The following PTPN21 variants were observed in gnomAD, a reference collection of about 807,000 sequenced individuals.
The protein encoded by PTPN21 is tyrosine-protein phosphatase non-receptor type 21.
In PTPN21, 77 loss-of-function variants were observed where a neutral mutation model predicts 131.8. That is an observed-to-expected ratio of 0.58 (90% CI 0.49 to 0.71). PTPN21 has a LOEUF of 0.71. Ranked by LOEUF, PTPN21 falls within the 30% of genes least tolerant of loss-of-function variation. The probability of loss-of-function intolerance (pLI) is 0.00; values close to 1 mark genes in which losing one functional copy is unlikely to be tolerated. For synonymous variants in PTPN21, 715 were observed against 621.3 expected (o/e 1.15, Z -2.24); for missense variants, 1,552 against 1,527.1 (o/e 1.02, Z -0.27).
Position 88,497,260 on chromosome 14 carries a change from G to A in PTPN21, c.795C>T (p.Asn265=), listed in dbSNP as rs764079290. The A allele has an allele frequency of 3.1e-6, 5 of 1,613,458 alleles. No homozygotes were observed. Among genetic ancestry groups the A allele is most frequent in the Admixed American group, 1.7e-5 (1 of 59,998 alleles). The change falls in exon 9 of 19, where the codon AAC becomes AAT. Residue 265 remains asparagine, a synonymous_variant. Transcript: ENST00000556564. ...CCAGCTCTAATGCAAAAAAGGACTT[G>A]TTGTGGGACATGTTGGCAATGTCAT... The part of the protein sequence containing the change: ...RWHDIANMSH[N]KSFFALELAN...
At position 88,550,271 on chromosome 14, in the gene PTPN21, G is replaced by A; in HGVS notation, c.147C>T (p.Leu49=). Residue 49 remains leucine, a synonymous_variant, in exon 2 of 19, where the codon CTC becomes CTT. Coordinates refer to ENST00000556564, the MANE Select transcript of PTPN21 (RefSeq NM_007039.4). The part of the protein sequence containing the change: ...LSVESTGQES[L]EAVAQRLELR... ...GCTCCAGCCTCTGGGCCACGGCCTC[G>A]AGGCTTTCCTGGCCAGTGCTCTCCA... 6 of 1,614,074 alleles carry A rather than the reference G, an allele frequency of 3.7e-6. No individual in the cohort carries two copies. Among genetic ancestry groups the A allele is most frequent in the Non-Finnish European group, 5.1e-6 (6 of 1,180,012 alleles).
At position 88,469,793 on chromosome 14, in the gene PTPN21, T is replaced by G; in HGVS notation, c.3001-60A>C. 6.3e-7 allele frequency: 1 copy of G among 1,598,068 alleles called. No homozygotes were observed. Among genetic ancestry groups the G allele is most frequent in the Non-Finnish European group, 8.6e-7 (1 of 1,165,578 alleles). On this transcript the variant is annotated intron_variant, in intron 16 of 18. Coordinates refer to ENST00000556564, the MANE Select transcript of PTPN21 (RefSeq NM_007039.4). This position sits in a 1 kb window ranked among gnomAD's most constrained non-coding sequence, Gnocchi z 4.3. The stretch of plus-strand genomic sequence containing the variant: ...TCCGGCAATGGATGCCTTTCTCACA[T>G]AGACGGCACATCTGAAACAGAACCA...
At chr14:88,529,155 A>G (rs1897346) in intron 2 of PTPN21, among the ~76,000 whole-genome samples, 81,469 of 152,032 alleles carry the variant, frequency 0.54, 24,539 homozygotes, top group Middle Eastern at 0.71. Context: ...TGTCCCTTCT[A>G]TGCCAATTTT....
chr14:88,494,256 C>T (rs1296727674), intron 10 of PTPN21, among the ~76,000 whole-genome samples: 1 of 152,058 alleles, frequency 6.6e-6, no homozygotes, highest in Non-Finnish European at 1.5e-5. Flanking sequence ...TAGGGTGAGG[C>T]ACATCTGCAG....
rs749606669 is a variant in PTPN21 at position 88,479,993 on chromosome 14, A to G, written c.1438T>C (p.Ser480Pro). Reference sequence around the variant, plus strand: ...GCCGCGGGCCTGCTGTAGGCGTACGAGCTGCCGATGTTGAGGTTTCGCAGC... The same window carrying G: ...GCCGCGGGCCTGCTGTAGGCGTACGGGCTGCCGATGTTGAGGTTTCGCAGC... ...HSLRNLNIGS[S>P]YAYSRPAALV... The change falls in exon 13 of 19, where the codon TCG becomes CCG. Residue 480 changes from serine to proline, a missense_variant. By Grantham distance (74) the Ser-to-Pro change is moderately conservative. Around this residue, in one of 4 missense-constraint regions of PTPN21, gnomAD observed 1,016 missense variants for 883.5 expected, o/e 1.15. Coordinates refer to ENST00000556564, the MANE Select transcript of PTPN21 (RefSeq NM_007039.4). 5 of 1,612,166 alleles carry G rather than the reference A, an allele frequency of 3.1e-6. No homozygotes were observed. The South Asian group carries it at 3.3e-5, about 11-fold the overall frequency.
intron 10 of PTPN21, among the ~76,000 whole-genome samples, chr14:88,491,028 T>C (rs1453119955): frequency 6.6e-6 from 1 of 152,180 alleles, no homozygotes; most frequent in Non-Finnish European, 1.5e-5. Flanking sequence ...TGAAGCAGAT[T>C]TCTGATCTAA....
At chr14:88,513,309 C>T (rs1566835741) in intron 3 of PTPN21, among the ~76,000 whole-genome samples, 1 of 152,104 alleles carries the variant, frequency 6.6e-6, no homozygotes, top group Non-Finnish European at 1.5e-5. Flanking sequence ...GGATTACAGG[C>T]GTGCGCCACC....
chr14:88,512,630 C>T (rs764717891), intron 3 of PTPN21: 2 of 152,234 alleles, frequency 1.3e-5, no homozygotes, highest in Non-Finnish European at 2.9e-5. Context: ...CAGAACATTC[C>T]GCAGTGATAG....
intron 6 of PTPN21, among the ~76,000 whole-genome samples, chr14:88,503,047 C>CT (rs770872201): frequency 1.4e-5 from 2 of 146,546 alleles, no homozygotes; most frequent in African/African-American, 5.3e-5. Flanking sequence ...GTAACTAAAT[C>CT]TTTTTCTTTT....
chr14:88,469,284 G>A lies in PTPN21; in HGVS notation c.3236-208C>T, dbSNP rs771440164. 6.6e-6 allele frequency among the ~76,000 whole-genome samples: 1 copy of A among 152,056 alleles called. No individual in the cohort carries two copies. The highest frequency in any genetic ancestry group is 2.4e-5 in the African/African-American group (1 of 41,382). On this transcript the variant is annotated intron_variant, in intron 17 of 18. Transcript: ENST00000556564. This position sits in a 1 kb window ranked among gnomAD's most constrained non-coding sequence, Gnocchi z 4.3. ...TTTCTGATCTACAAAATGAAATGAC[G>A]GAGATACTGAGTCAGCTGTGGCATT...
intron 8 of PTPN21, among the ~76,000 whole-genome samples, chr14:88,498,475 G>C (rs1334532114): frequency 1.3e-5 from 2 of 152,168 alleles, no homozygotes; most frequent in East Asian, 3.8e-4. Flanking sequence ...TCTCTTAGCT[G>C]ATTGCCAATG....
chr14:88,528,602 T>C (rs2078513041), intron 2 of PTPN21, among the ~76,000 whole-genome samples: 1 of 152,196 alleles, frequency 6.6e-6, no homozygotes, highest in Admixed American at 6.5e-5. Flanking sequence ...AACTGAATCA[T>C]GGGGGCAGCT....
chr14:88,511,249 T>TA lies in PTPN21; in HGVS notation c.351-3230dup, dbSNP rs527626569. Among the ~76,000 whole-genome samples, 161 of 152,208 alleles carry TA rather than the reference T, an allele frequency of 1.1e-3. 2 individuals are homozygous for TA. The East Asian group carries it at 0.023, about 22-fold the overall frequency. ...GTTTTTCTTAAAGAAGTATTTACTG[T>TA]AGGAGCAGATGGCCAAGAAATTACA... is the stretch of plus-strand genomic sequence containing the variant. On this transcript the variant is annotated intron_variant, in intron 3 of 18. Transcript: ENST00000556564.
At chr14:88,501,951 T>C (rs2078014836) in intron 6 of PTPN21, among the ~76,000 whole-genome samples, 1 of 151,738 alleles carries the variant, frequency 6.6e-6, no homozygotes, top group African/African-American at 2.4e-5. Flanking sequence ...CTCCACTGCA[T>C]GCCAGTCTGG....
chr14:88,485,095 T>C lies in PTPN21; in HGVS notation c.1059A>G (p.Glu353=). The change falls in exon 12 of 19, where the codon GAA becomes GAG. Residue 353 remains glutamate (E), a synonymous_variant. Coordinates refer to ENST00000556564, the MANE Select transcript of PTPN21 (RefSeq NM_007039.4). The stretch of plus-strand genomic sequence containing the variant: ...CTTTACCTTGGGAAGAAGCATATGG[T>C]TCTGTATAATGTCCATTATAGTGCA... The part of the protein sequence containing the change: ...PQLHYNGHYT[E]PYASSQDNLF... 1 of 1,604,796 alleles carries C rather than the reference T, an allele frequency of 6.2e-7. No homozygotes were observed. Among genetic ancestry groups the C allele is most frequent in the Non-Finnish European group, 8.5e-7 (1 of 1,171,628 alleles).
chr14:88,509,343 G>C (rs2078144011), intron 3 of PTPN21, among the ~76,000 whole-genome samples: 1 of 152,192 alleles, frequency 6.6e-6, no homozygotes, highest in Non-Finnish European at 1.5e-5. Flanking sequence ...TGCCTGTGAA[G>C]TGCAACCCAG....
intron 2 of PTPN21, among the ~76,000 whole-genome samples, chr14:88,544,866 C>T (rs1468721623): frequency 2.6e-5 from 4 of 151,980 alleles, no homozygotes; most frequent in East Asian, 3.9e-4. Flanking sequence ...CTCACTCTGT[C>T]GCCCAGGCTG....
intron 10 of PTPN21, among the ~76,000 whole-genome samples, chr14:88,493,834 G>C (rs374288876): frequency 7.9e-5 from 12 of 152,178 alleles, no homozygotes; most frequent in East Asian, 3.9e-4. Flanking sequence ...ATTTTCCTAA[G>C]GGATCTTACA....
intron 10 of PTPN21, among the ~76,000 whole-genome samples, chr14:88,495,065 T>G (rs1400922122): frequency 6.9e-6 from 1 of 144,292 alleles, no homozygotes; most frequent in Non-Finnish European, 1.5e-5. Context: ...CAGGATCTGA[T>G]TCAGGTTAAA....
Sources: allele counts gnomAD v4.1 joint callset (sites outside exome capture counted in the v4.1 genomes callset), GRCh38; gene constraint gnomAD v4.1.1; regional missense constraint gnomAD v4.1.1; non-coding constraint Gnocchi (gnomAD v3.1); transcripts MANE v1.5; gene names NCBI Gene and HGNC (gene_info 2026-07-23, HGNC 2026-07-21).